Variants in AKAP13 observed in about 807,000 individuals in gnomAD.
AKAP13 encodes the protein A-kinase anchor protein 13.
Under a neutral mutation model 264.5 loss-of-function variants are expected in AKAP13, and 80 were observed. That is an observed-to-expected ratio of 0.30 (90% CI 0.25 to 0.36). The LOEUF is 0.36. Ranked by LOEUF, AKAP13 falls within the 10% of genes least tolerant of loss-of-function variation. The pLI is 1.00. For missense variants in AKAP13, 3,712 were observed against 3,435.2 expected (o/e 1.08, Z -2.01); for synonymous variants, 1,380 against 1,250.2 (o/e 1.10, Z -2.19).
chr15:85,549,567 G>A (rs907617736), intron 5 of AKAP13, among the ~76,000 whole-genome samples: 1 of 152,172 alleles, frequency 6.6e-6, no homozygotes, highest in African/African-American at 2.4e-5. Flanking sequence ...CATTATCTGT[G>A]TTTTGCGGGA....
At chr15:85,677,837 A>T (rs2084334667) in intron 14 of AKAP13, among the ~76,000 whole-genome samples, 2 of 151,614 alleles carry the variant, frequency 1.3e-5, no homozygotes, top group Non-Finnish European at 2.9e-5. Flanking sequence ...TTTAGTAGAG[A>T]CGGGGTTTCA....
intron 17 of AKAP13, among the ~76,000 whole-genome samples, chr15:85,697,837 A>G (rs1464627446): frequency 2.0e-5 from 3 of 152,188 alleles, no homozygotes; most frequent in Non-Finnish European, 1.5e-5. Context: ...ATGACTTCAC[A>G]CTGGATTTGT....
At chr15:85,661,915 A>AG (rs1019741126) in intron 12 of AKAP13, among the ~76,000 whole-genome samples, 1 of 151,928 alleles carries the variant, frequency 6.6e-6, no homozygotes. Context: ...AAAAAAAAAA[A>AG]AAAACCGGAT....
intron 8 of AKAP13, among the ~76,000 whole-genome samples, chr15:85,618,114 A>G (rs2081022403): frequency 6.6e-6 from 1 of 152,196 alleles, no homozygotes; most frequent in Non-Finnish European, 1.5e-5. Context: ...TTTCAGAATA[A>G]AGCCTGTATG....
intron 1 of AKAP13, among the ~76,000 whole-genome samples, chr15:85,406,963 T>C (rs1309399330): frequency 6.6e-6 from 1 of 151,738 alleles, no homozygotes; most frequent in African/African-American, 2.4e-5. Context: ...AAAGAGTATG[T>C]CTCTGGAGGA....
intron 3 of AKAP13, among the ~76,000 whole-genome samples, chr15:85,526,540 G>A (rs2077049926): frequency 1.3e-5 from 2 of 151,998 alleles, no homozygotes; most frequent in Admixed American, 6.6e-5. Flanking sequence ...CAAAGTGTTG[G>A]GATTACAGGC....
chr15:85,480,877 A>G (rs2151044561), intron 1 of AKAP13: 1 of 152,220 alleles, frequency 6.6e-6, no homozygotes, highest in Admixed American at 6.5e-5. Flanking sequence ...TTGTAGGGAC[A>G]TGTATAGTTT....
intron 1 of AKAP13, among the ~76,000 whole-genome samples, chr15:85,404,564 C>T (rs1452365134): frequency 6.6e-6 from 1 of 152,210 alleles, no homozygotes; most frequent in Non-Finnish European, 1.5e-5. Flanking sequence ...CTTAGCTTTT[C>T]AAGCTAAGTC....
At chr15:85,415,606 G>C in intron 1 of AKAP13, 1 of 1,436,968 alleles carries the variant, frequency 7.0e-7, no homozygotes, top group East Asian at 2.3e-5. Context: ...AGTGTCACCT[G>C]TACTCGGATC....
At chr15:85,734,482 C>T (rs2088293635) in intron 30 of AKAP13, among the ~76,000 whole-genome samples, 1 of 151,820 alleles carries the variant, frequency 6.6e-6, no homozygotes, top group African/African-American at 2.4e-5. Flanking sequence ...TATTTTTCTC[C>T]TGTTTAACTT....
chr15:85,558,391 C>T (rs2151254481), intron 5 of AKAP13, among the ~76,000 whole-genome samples: 1 of 152,258 alleles, frequency 6.6e-6, no homozygotes, highest in African/African-American at 2.4e-5. Flanking sequence ...CGAATCAGGT[C>T]AGTGGGCTAT....
chr15:85,493,853 G>A (rs1030319191), intron 2 of AKAP13, among the ~76,000 whole-genome samples: 1 of 152,090 alleles, frequency 6.6e-6, no homozygotes, highest in Non-Finnish European at 1.5e-5. Flanking sequence ...ATGAAGGAAA[G>A]GTTGGTATTA....
intron 2 of AKAP13, among the ~76,000 whole-genome samples, chr15:85,495,018 A>G (rs543915141): frequency 6.6e-6 from 1 of 152,316 alleles, no homozygotes; most frequent in South Asian, 2.1e-4. Context: ...ATTATTTGAA[A>G]TTCCTCTATA....
chr15:85,507,280 G>T (rs1339003816), intron 2 of AKAP13, among the ~76,000 whole-genome samples: 2 of 151,616 alleles, frequency 1.3e-5, no homozygotes, highest in Non-Finnish European at 2.9e-5. Context: ...GCTACAGCCT[G>T]TGAACCAAAT....
In AKAP13 at chr15:85,646,088, G is replaced by A. The variant is rs1469441050; in HGVS notation, c.4374+134G>A. The A allele has an allele frequency of 2.6e-6, 3 of 1,170,122 alleles. No homozygotes were observed. The African/African-American group carries it at 4.7e-5, about 18-fold the overall frequency. The allele number at this position is 1,170,122 out of a possible 1,614,324, so 72.5% of individuals were successfully genotyped here. A position where few individuals can be genotyped will look rare whatever the true frequency, so the allele number is the denominator to read the frequency against. On this transcript the variant is annotated intron_variant, in intron 10 of 36. Transcript: ENST00000394518. ...CTAAATATGTAACTCCTGCTAGTAA[G>A]TTGTGATCCAGCTAGCCTTGTAGGG...
chr15:85,587,951 T>G (rs767862428), intron 8 of AKAP13, among the ~76,000 whole-genome samples: 2 of 152,148 alleles, frequency 1.3e-5, no homozygotes, highest in Non-Finnish European at 2.9e-5. Context: ...CCCAGCCAGC[T>G]ATTAACTTTT....
intron 8 of AKAP13, among the ~76,000 whole-genome samples, chr15:85,630,217 C>A (rs2081675889): frequency 1.7e-5 from 1 of 58,206 alleles, no homozygotes; most frequent in Non-Finnish European, 3.7e-5. Context: ...ACATCATGAA[C>A]TAAGATGGAA....
At position 85,746,956 on chromosome 15, in the gene AKAP13, A is replaced by G. The variant is rs1327546706; in HGVS notation, c.*2279A>G. The stretch of plus-strand genomic sequence containing the variant: ...GATGCTGAAGTTAGAGCACGTCGCC[A>G]CAGAGCTTGACATCAATGTTAGAGG... On this transcript the variant is annotated 3_prime_UTR_variant, in exon 37 of 37. Coordinates refer to ENST00000394518, the MANE Select transcript of AKAP13 (RefSeq NM_007200.5). The G allele has an allele frequency of 6.6e-6, 1 of 152,226 alleles. No homozygotes were observed. The highest frequency in any genetic ancestry group is 2.4e-5 in the African/African-American group (1 of 41,444). 9.4% of individuals were successfully genotyped at this position (152,226 alleles called of 1,614,324 possible). A position where few individuals can be genotyped will look rare whatever the true frequency, so the allele number is the denominator to read the frequency against.
chr15:85,440,842 T>C (rs1284997580), intron 1 of AKAP13, among the ~76,000 whole-genome samples: 1 of 152,178 alleles, frequency 6.6e-6, no homozygotes, highest in African/African-American at 2.4e-5. Context: ...CAAGGATTAA[T>C]TTTGGGAATG....
Sources: gnomAD v4.1 joint callset for allele counts (sites outside exome capture counted in the v4.1 genomes callset) on GRCh38, gnomAD v4.1.1 for gene constraint, MANE v1.5 for transcripts, NCBI Gene and HGNC (gene_info 2026-07-23, HGNC 2026-07-21) for gene names.